EOMES: variants seen among roughly 807,000 people sequenced by gnomAD.
EOMES encodes eomesodermin homolog.
In EOMES, 18 loss-of-function variants were observed where a neutral mutation model predicts 61.0. The ratio of observed to expected loss-of-function variants is 0.30; its 90% CI spans 0.20 to 0.44. The LOEUF (loss-of-function observed/expected upper bound fraction) is 0.44, where lower values mean the gene tolerates loss of function less well. EOMES is among the 20% of genes least tolerant of loss of function. The probability of loss-of-function intolerance (pLI) is 1.00; values close to 1 mark genes in which losing one functional copy is unlikely to be tolerated. For synonymous variants in EOMES, 430 were observed against 394.0 expected (o/e 1.09, Z -1.08); for missense variants, 885 against 939.2 (o/e 0.94, Z 0.75).
At position 27,720,266 on chromosome 3, in the gene EOMES, T is replaced by C. The variant is rs1277146765; in HGVS notation, c.941A>G (p.Asn314Ser). ...CGCCAGCACCACCTCTACGAACACA[T>C]TGTAGTGGGCAGTGGGATTGAGTCC... ...INGLNPTAHYNVFVEVVLADP... is the reference protein window; with the variant it reads ...INGLNPTAHYSVFVEVVLADP... Residue 314 changes from asparagine (N) to serine (S), a missense_variant, in exon 2 of 6, where the codon AAT becomes AGT. Transcript: ENST00000449599. 2.5e-6 allele frequency: 4 copies of C among 1,613,380 alleles called. No homozygotes were observed. The highest frequency in any genetic ancestry group is 1.1e-5 in the South Asian group (1 of 91,062).
In EOMES at chr3:27,717,701, G is replaced by A. The variant is rs137915789; in HGVS notation, c.1487C>T (p.Pro496Leu). 31 of 1,613,854 alleles carry A rather than the reference G, an allele frequency of 1.9e-5. No individual in the cohort carries two copies. The highest frequency in any genetic ancestry group is 1.2e-4 in the Admixed American group (7 of 59,970). ...AGGTAAAGTGTTGACAAAGGGCTCC[G>A]GGAAGAAGGATTGAACGCCGTACCG... ...GGRYGVQSFF[P>L]EPFVNTLPQA... Residue 496 changes from proline (P) to leucine (L), a missense_variant, in exon 6 of 6, where the codon CCG (proline) becomes CTG (leucine). Coordinates refer to ENST00000449599, the MANE Select transcript of EOMES (RefSeq NM_001278182.2). The surrounding 1 kb of genome is among the most constrained non-coding windows in gnomAD (Gnocchi z 4.5).
Position 27,717,831 on chromosome 3 carries a change from TAA to T in EOMES, c.1380-25_1380-24del, listed in dbSNP as rs34777083. On this transcript the variant is annotated intron_variant, in intron 5 of 5. Transcript: ENST00000449599. The surrounding 1 kb of genome is among the most constrained non-coding windows in gnomAD (Gnocchi z 4.5). The stretch of plus-strand genomic sequence containing the variant: ...ATGCTACAATATAAAGAGAAACACT[TAA>T]AAAAAAAAAAAAACCCTAATGTTGT... 4.2e-3 allele frequency: 4,823 copies of T among 1,146,952 alleles called. No individual in the cohort carries two copies. Among genetic ancestry groups the T allele is most frequent in the Non-Finnish European group, 4.8e-3 (4,115 of 864,472 alleles). 71.0% of individuals were successfully genotyped at this position (1,146,952 alleles called of 1,614,324 possible).
chr3:27,722,583 C>T (rs1048762315), upstream of EOMES: 3 of 1,217,566 alleles, frequency 2.5e-6, no homozygotes, highest in South Asian at 3.1e-5. Context: ...TCCTCAGGAC[C>T]CCCACCCTCC....
chr3:27,722,412 C>T (rs1290550875), upstream of EOMES: 3 of 1,365,294 alleles, frequency 2.2e-6, no homozygotes, highest in African/African-American at 3.1e-5. Flanking sequence ...CCCTTCCTCC[C>T]GCGCCGGGGC....
intron 3 of EOMES, 64 bp from the exon 4 acceptor site, chr3:27,718,957 G>T: frequency 1.6e-6 from 2 of 1,254,694 alleles, no homozygotes; most frequent in Non-Finnish European, 1.1e-6. Flanking sequence ...AACAAAATTA[G>T]ATTTTGACAA....
In EOMES at chr3:27,717,032, G is replaced by A. The variant is rs1429296008; in HGVS notation, c.*38C>T. 1.3e-6 allele frequency: 2 copies of A among 1,532,350 alleles called. No individual in the cohort carries two copies. Among genetic ancestry groups the A allele is most frequent in the Non-Finnish European group, 1.8e-6 (2 of 1,135,106 alleles). 94.9% of individuals were successfully genotyped at this position (1,532,350 alleles called of 1,614,324 possible). The stretch of plus-strand genomic sequence containing the variant: ...ACAAAAAACACCACCAAGTCCATCT[G>A]CAAAAAGTTAGCTAATTTTTGAGGT... On this transcript the variant is annotated 3_prime_UTR_variant, in exon 6 of 6. Coordinates refer to ENST00000449599, the MANE Select transcript of EOMES (RefSeq NM_001278182.2). The surrounding 1 kb of genome is among the most constrained non-coding windows in gnomAD (Gnocchi z 4.5).
chr3:27,719,494 G>T lies in EOMES; in HGVS notation c.1037-13C>A. On this transcript the variant is annotated splice_polypyrimidine_tract_variant and intron_variant, in intron 2 of 5. Coordinates refer to ENST00000449599, the MANE Select transcript of EOMES (RefSeq NM_001278182.2). ...TACATTTTGTTGCCTAAGAGAAAAT[G>T]AAACAAAACACAAAACCCAAGCATA... 6.2e-7 allele frequency: 1 copy of T among 1,611,902 alleles called. No homozygotes were observed. Among genetic ancestry groups the T allele is most frequent in the Non-Finnish European group, 8.5e-7 (1 of 1,178,924 alleles).
chr3:27,722,324 G>A, upstream of EOMES: 2 of 1,503,730 alleles, frequency 1.3e-6, no homozygotes, highest in Non-Finnish European at 1.8e-6. Flanking sequence ...GCAGCTGGCT[G>A]CTTCCTCTCC....
At chr3:27,722,579 G>A (rs928932876), upstream of EOMES, 8 of 1,232,088 alleles carry the variant, frequency 6.5e-6, no homozygotes, top group Non-Finnish European at 8.1e-6. Flanking sequence ...TTGCTCCTCA[G>A]GACCCCCACC....
chr3:27,717,129 A>G lies in EOMES; in HGVS notation c.2059T>C (p.Tyr687His). The G allele has an allele frequency of 1.2e-6, 2 of 1,611,766 alleles. No homozygotes were observed. Among genetic ancestry groups the G allele is most frequent in the Non-Finnish European group, 1.7e-6 (2 of 1,177,960 alleles). Reference sequence around the variant, plus strand: ...ATGCCTTTTGAGGTGTCTTTACTATACTCTTCAGCATTAATGTCCTCACAC... The same window carrying G: ...ATGCCTTTTGAGGTGTCTTTACTATGCTCTTCAGCATTAATGTCCTCACAC... ...IKCEDINAEE[Y>H]SKDTSKGMGG... Residue 687 changes from tyrosine (Y) to histidine (H), a missense_variant, in exon 6 of 6, where the codon TAT (tyrosine) becomes CAT (histidine). Transcript: ENST00000449599. The surrounding 1 kb of genome is among the most constrained non-coding windows in gnomAD (Gnocchi z 4.5).
At position 27,717,074 on chromosome 3, in the gene EOMES, G is replaced by A; in HGVS notation, c.2114C>T (p.Pro705Leu). 6.2e-7 allele frequency: 1 copy of A among 1,604,372 alleles called. No homozygotes were observed. ...TTTTGAGGTTAAAATAACTCTTTAG[G>A]GAGTTGTGTAAAAAGCATAATACCC... The part of the protein sequence containing the change: ...MGGYYAFYTT[P>L] The change falls in exon 6 of 6, where the codon CCC becomes CTC. Residue 705 changes from proline to leucine, a missense_variant. This residue lies in a region of EOMES where 259 missense variants were observed against 282.3 expected (regional missense o/e 0.92). Coordinates refer to ENST00000449599, the MANE Select transcript of EOMES (RefSeq NM_001278182.2). The surrounding 1 kb of genome is among the most constrained non-coding windows in gnomAD (Gnocchi z 4.5).
Position 27,721,528 on chromosome 3 carries a change from C to G in EOMES, c.767G>C (p.Gly256Ala). The G allele has an allele frequency of 6.2e-7, 1 of 1,610,698 alleles. No individual in the cohort carries two copies. ...AAAAGSCGGL[G>A]GLGVPGSGFR... ...GCCAGAACCTGGAACCCCCAGGCCC[C>G]CCAGTCCTCCGCAAGATCCCGCCGC... is the stretch of plus-strand genomic sequence containing the variant. Residue 256 changes from glycine (G) to alanine (A), a missense_variant, in exon 1 of 6, where the codon GGG (glycine) becomes GCG (alanine). Transcript: ENST00000449599. The surrounding 1 kb of genome is among the most constrained non-coding windows in gnomAD (Gnocchi z 7.4).
chr3:27,721,381 C>A lies in EOMES; in HGVS notation c.881+33G>T. 4 of 1,571,256 alleles carry A rather than the reference C, an allele frequency of 2.5e-6. No homozygotes were observed. The highest frequency in any genetic ancestry group is 3.5e-6 in the Non-Finnish European group (4 of 1,155,608). On this transcript the variant is annotated intron_variant, in intron 1 of 5. Coordinates refer to ENST00000449599, the MANE Select transcript of EOMES (RefSeq NM_001278182.2). This position sits in a 1 kb window ranked among gnomAD's most constrained non-coding sequence, Gnocchi z 7.4. ...CAGGACCACACGTCACCCTTTATCC[C>A]CGAACCCAGGGGCCCCTCCACGCTG...
rs2060619250 is a variant in EOMES at position 27,721,970 on chromosome 3, A to C, written c.325T>G (p.Cys109Gly). The C allele has an allele frequency of 7.0e-7, 1 of 1,438,388 alleles. No homozygotes were observed. Among genetic ancestry groups the C allele is most frequent in the African/African-American group, 1.5e-5 (1 of 65,832 alleles). 89.1% of individuals were successfully genotyped at this position (1,438,388 alleles called of 1,614,324 possible). The change falls in exon 1 of 6, where the codon TGC becomes GGC. Residue 109 changes from cysteine (C) to glycine (G), a missense_variant. Physicochemically the swap from Cys to Gly is radical, Grantham distance 159 (BLOSUM62 -3). This residue lies in a region of EOMES where 449 missense variants were observed against 383.6 expected (regional missense o/e 1.17). Transcript: ENST00000449599. This position sits in a 1 kb window ranked among gnomAD's most constrained non-coding sequence, Gnocchi z 7.4. Reference sequence around the variant, plus strand: ...GCGGAGGGCAGCTCCTCCTCCCCGCAGGGGGAGCCCTTGCGGCCGTCCGGG... The same window carrying C: ...GCGGAGGGCAGCTCCTCCTCCCCGCCGGGGGAGCCCTTGCGGCCGTCCGGG... ...GPPDGRKGSPCGEEELPSAAA... is the reference protein window; with the variant it reads ...GPPDGRKGSPGGEEELPSAAA...
rs761666223 is a variant in EOMES at position 27,722,221 on chromosome 3, G to A, written c.74C>T (p.Ala25Val). The A allele has an allele frequency of 4.4e-6, 7 of 1,604,050 alleles. No homozygotes were observed. Among genetic ancestry groups the A allele is most frequent in the South Asian group, 1.1e-5 (1 of 89,742 alleles). Residue 25 changes from alanine to valine, a missense_variant, in exon 1 of 6, where the codon GCG (alanine) becomes GTG (valine). This residue lies in a region of EOMES where 449 missense variants were observed against 383.6 expected (regional missense o/e 1.17). Transcript: ENST00000449599. The stretch of plus-strand genomic sequence containing the variant: ...AGCGCTCCCGCCGCTGCCGCCTCGC[G>A]CACTCTCCAGCGGGTAGAAGTGCGC... ...PGAHFYPLESARGGSGGSAGH... is the reference protein window; with the variant it reads ...PGAHFYPLESVRGGSGGSAGH...
rs946856565 is a variant in EOMES, at chr3:27,722,296, C to T, written c.-2G>A. Reference sequence around the variant, plus strand: ...CAAGAGCTGCTCCCCTAACTGCATGCTTTGCAAAGCGCAGACGGCAGCTGG... The same window carrying T: ...CAAGAGCTGCTCCCCTAACTGCATGTTTTGCAAAGCGCAGACGGCAGCTGG... On this transcript the variant is annotated 5_prime_UTR_variant, in exon 1 of 6. Transcript: ENST00000449599. 24 of 1,563,512 alleles carry T rather than the reference C, an allele frequency of 1.5e-5. No individual in the cohort carries two copies. Among genetic ancestry groups the T allele is most frequent in the Non-Finnish European group, 2.1e-5 (24 of 1,158,996 alleles).
chr3:27,718,454 T>A (rs1576802908), intron 5 of EOMES, 133 bp downstream of exon 5: 2 of 565,816 alleles, frequency 3.5e-6, no homozygotes, highest in African/African-American at 1.9e-5. Flanking sequence ...AAGGAAAAAA[T>A]TTTGGAAAAA....
At position 27,717,506 on chromosome 3, in the gene EOMES, G is replaced by C; in HGVS notation, c.1682C>G (p.Ser561Cys). Residue 561 changes from serine to cysteine, a missense_variant, in exon 6 of 6, where the codon TCT (serine) becomes TGT (cysteine). Transcript: ENST00000449599. This position sits in a 1 kb window ranked among gnomAD's most constrained non-coding sequence, Gnocchi z 4.5. ...AATGCCATATGGGAGCAATGTGCTA[G>C]AAGTATATTCAGATTCATAGGAACT... ...DISSYESEYT[S>C]STLLPYGIKS... is the part of the protein sequence containing the mutation. 1 of 1,614,178 alleles carries C rather than the reference G, an allele frequency of 6.2e-7. No individual in the cohort carries two copies. Among genetic ancestry groups the C allele is most frequent in the Non-Finnish European group, 8.5e-7 (1 of 1,179,996 alleles).
Position 27,719,441 on chromosome 3 carries a change from A to T in EOMES, c.1077T>A (p.Gly359=). The T allele has an allele frequency of 6.2e-7, 1 of 1,612,832 alleles. No individual in the cohort carries two copies. Among genetic ancestry groups the T allele is most frequent in the Non-Finnish European group, 8.5e-7 (1 of 1,178,790 alleles). The change falls in exon 3 of 6, where the codon GGT becomes GGA. Residue 359 remains glycine, a synonymous_variant. Transcript: ENST00000449599. The stretch of plus-strand genomic sequence containing the variant: ...AAATCTCCTGTCTCATCCAGTGGGA[A>T]CCAGTATTAGGAGACTCTGGGTGAA... ...MYVHPESPNT[G]SHWMRQEISF...
Sources: gnomAD v4.1 joint callset for allele counts on GRCh38, gnomAD v4.1.1 for gene constraint, gnomAD v4.1.1 regional missense constraint, Gnocchi (gnomAD v3.1) non-coding constraint, MANE v1.5 for transcripts, NCBI Gene and HGNC (gene_info 2026-07-23, HGNC 2026-07-21) for gene names.